GFPT2: variants seen among roughly 807,000 people sequenced by gnomAD.
The protein encoded by GFPT2 is glutamine--fructose-6-phosphate aminotransferase [isomerizing] 2.
GFPT2 carries 62 observed loss-of-function variants against 85.6 expected under a neutral mutation model. The ratio of observed to expected loss-of-function variants is 0.72; its 90% CI spans 0.59 to 0.90. The LOEUF is 0.90. GFPT2 is among the 40% of genes least tolerant of loss of function. The pLI is 0.00. For missense variants in GFPT2, 788 were observed against 893.4 expected, an observed-to-expected ratio of 0.88 and a Z score of 1.50; for synonymous variants, 368 against 344.5, an observed-to-expected ratio of 1.07 and a Z score of -0.75.
At position 180,330,967 on chromosome 5, in the gene GFPT2, A is replaced by G. The variant is rs937366250; in HGVS notation, c.400-133T>C. 27 of 777,782 alleles carry G rather than the reference A, an allele frequency of 3.5e-5. No individual in the cohort carries two copies. The highest frequency in any genetic ancestry group is 1.9e-4 in the African/African-American group (11 of 57,126). The allele number at this position is 777,782 out of a possible 1,614,324, so 48.2% of individuals were successfully genotyped here. Reference sequence around the variant, plus strand: ...GAACAGGGAAAACCGGGAAGGGGGGAAAAATGTTTGCCAGCATCACAGCCA... The same window carrying G: ...GAACAGGGAAAACCGGGAAGGGGGGGAAAATGTTTGCCAGCATCACAGCCA... On this transcript the variant is annotated intron_variant, in intron 5 of 18. Transcript: ENST00000253778. This position sits in a 1 kb window ranked among gnomAD's most constrained non-coding sequence, Gnocchi z 4.4.
chr5:180,312,020 AGGGAGGCG>A (rs1455893939), intron 15 of GFPT2, among the ~76,000 whole-genome samples: 2 of 83,544 alleles, frequency 2.4e-5, no homozygotes, highest in African/African-American at 4.3e-5. Context: ...GCAGGGAGGC[AGGGAGGCG>A]GGGAGGTGGG....
At chr5:180,315,998 A>G (rs979120747) in intron 13 of GFPT2, among the ~76,000 whole-genome samples, 5 of 152,226 alleles carry the variant, frequency 3.3e-5, no homozygotes, top group Non-Finnish European at 7.3e-5. Context: ...TGCTTTTTCT[A>G]TTAACATAAA....
rs2127653819 is a variant in GFPT2 at position 180,330,567 on chromosome 5, C to T, written c.534+133G>A. 1 of 699,402 alleles carries T rather than the reference C, an allele frequency of 1.4e-6. No individual in the cohort carries two copies. The highest frequency in any genetic ancestry group is 2.4e-6 in the Non-Finnish European group (1 of 410,308). 43.3% of individuals were successfully genotyped at this position (699,402 alleles called of 1,614,324 possible). A position where few individuals can be genotyped will look rare whatever the true frequency, so the allele number is the denominator to read the frequency against. ...TCTGCAGATGGGCTGTCTTTTATCC[C>T]CAGGACTCTGTGCAAGTTTGTCTAA... On this transcript the variant is annotated intron_variant, in intron 6 of 18. Transcript: ENST00000253778. The surrounding 1 kb of genome is among the most constrained non-coding windows in gnomAD (Gnocchi z 4.4).
rs527408182 is a variant in GFPT2, at chr5:180,337,124, G to A, written c.116-547C>T. Among the ~76,000 whole-genome samples, 12 of 152,334 alleles carry A rather than the reference G, an allele frequency of 7.9e-5. No homozygotes were observed. In the South Asian group the frequency reaches 8.3e-4, roughly 11 times the overall value. On this transcript the variant is annotated intron_variant, in intron 2 of 18. Coordinates refer to ENST00000253778, the MANE Select transcript of GFPT2 (RefSeq NM_005110.4). ...CTGAACTCTGGGACAGCCACCCAGC[G>A]GAGCATTGTGTAGCCACTTAGAAAG...
At chr5:180,347,371 T>C (rs1764629174) in intron 1 of GFPT2, among the ~76,000 whole-genome samples, 1 of 151,806 alleles carries the variant, frequency 6.6e-6, no homozygotes, top group Admixed American at 6.5e-5. Flanking sequence ...ACCACCCAGT[T>C]TGGTCATGTG....
At chr5:180,337,938 C>T (rs761541849) in intron 2 of GFPT2, among the ~76,000 whole-genome samples, 10 of 152,048 alleles carry the variant, frequency 6.6e-5, no homozygotes, top group African/African-American at 1.9e-4. Context: ...CTTGGGGCTA[C>T]GCCGGGCAGC....
Position 180,308,256 on chromosome 5 carries a change from G to A in GFPT2, c.1547-953C>T, listed in dbSNP as rs866686233. ...GGGCAACAGAGCGAGACTCCATCTC[G>A]AAAAAAAAAAAAGAAGAAAAAGAAA... On this transcript the variant is annotated intron_variant, in intron 15 of 18. Transcript: ENST00000253778. Among the ~76,000 whole-genome samples the A allele has an allele frequency of 5.4e-3, 714 of 132,620 alleles. 12 individuals are homozygous for A. The highest frequency in any genetic ancestry group is 0.044 in the East Asian group (210 of 4,724). 87.0% of individuals were successfully genotyped at this position (132,620 alleles called of 152,430 possible).
In GFPT2 at chr5:180,330,460, G is replaced by C. The variant is rs1349291592; in HGVS notation, c.534+240C>G. Among the ~76,000 whole-genome samples, 3 of 152,184 alleles carry C rather than the reference G, an allele frequency of 2.0e-5. No individual in the cohort carries two copies. The highest frequency in any genetic ancestry group is 4.4e-5 in the Non-Finnish European group (3 of 68,022). ...ATTTCAGAAGTGTCACGATGAAGCA[G>C]GGCACTTTCTATTTGATGTTGACTA... On this transcript the variant is annotated intron_variant, in intron 6 of 18. Coordinates refer to ENST00000253778, the MANE Select transcript of GFPT2 (RefSeq NM_005110.4). This position sits in a 1 kb window ranked among gnomAD's most constrained non-coding sequence, Gnocchi z 4.4.
In GFPT2 at chr5:180,301,171, AC is replaced by A. The variant is rs1363818968; in HGVS notation, c.*392del. 1 of 211,940 alleles carries A rather than the reference AC, an allele frequency of 4.7e-6. No homozygotes were observed. The highest frequency in any genetic ancestry group is 5.2e-5 in the Admixed American group (1 of 19,100). The allele number at this position is 211,940 out of a possible 1,614,324, so 13.1% of individuals were successfully genotyped here. On this transcript the variant is annotated 3_prime_UTR_variant, in exon 19 of 19. Coordinates refer to ENST00000253778, the MANE Select transcript of GFPT2 (RefSeq NM_005110.4). ...GAACAGTTTGGCCGTTACCACGGCT[AC>A]AGAAAGCCACATACTAGAAAAATAA...
intron 15 of GFPT2, among the ~76,000 whole-genome samples, chr5:180,307,821 T>C (rs778526227): frequency 2.3e-4 from 35 of 152,280 alleles, no homozygotes; most frequent in Admixed American, 1.2e-3. Context: ...GATTAGAAAA[T>C]AACACTGAGG....
In GFPT2 at chr5:180,300,923, G is replaced by C. The variant is rs914114700; in HGVS notation, c.*641C>G. 6.5e-6 allele frequency: 1 copy of C among 152,722 alleles called. No homozygotes were observed. Among genetic ancestry groups the C allele is most frequent in the Admixed American group, 6.5e-5 (1 of 15,288 alleles). The allele number at this position is 152,722 out of a possible 1,614,324, so 9.5% of individuals were successfully genotyped here. On this transcript the variant is annotated 3_prime_UTR_variant, in exon 19 of 19. Transcript: ENST00000253778. ...AAGTGGAGGGATGTGGGCCACACAC[G>C]AGAAGAAAATGTTGAAGGAGGCTGA...
At position 180,316,854 on chromosome 5, in the gene GFPT2, C is replaced by G; in HGVS notation, c.1062G>C (p.Leu354=). The G allele has an allele frequency of 6.2e-7, 1 of 1,613,076 alleles. No individual in the cohort carries two copies. The highest frequency in any genetic ancestry group is 8.5e-7 in the Non-Finnish European group (1 of 1,179,012). The part of the protein sequence containing the change: ...RVNFETNTVL[L]GGLKDHLKEI... ...CCTTCAAGTGGTCCTTCAAGCCACC[C>G]AGGAGCACTGCAGGGCACACGACAA... The change falls in exon 12 of 19, where the codon CTG becomes CTC. Residue 354 remains leucine (L), a synonymous_variant. Coordinates refer to ENST00000253778, the MANE Select transcript of GFPT2 (RefSeq NM_005110.4).
intron 17 of GFPT2, among the ~76,000 whole-genome samples, chr5:180,302,886 A>G (rs1299641320): frequency 1.3e-5 from 2 of 152,174 alleles, no homozygotes; most frequent in Non-Finnish European, 2.9e-5. Context: ...AGCGGGGCTC[A>G]TAGTCTAGTG....
In GFPT2 at chr5:180,338,402, C is replaced by T. The variant is rs553352633; in HGVS notation, c.115+91G>A. The T allele has an allele frequency of 4.0e-5, 21 of 526,850 alleles. No homozygotes were observed. The South Asian group carries it at 5.2e-4, about 13-fold the overall frequency. 32.6% of individuals were successfully genotyped at this position (526,850 alleles called of 1,614,324 possible). A position where few individuals can be genotyped will look rare whatever the true frequency, so the allele number is the denominator to read the frequency against. On this transcript the variant is annotated intron_variant, in intron 2 of 18. Transcript: ENST00000253778. Reference sequence around the variant, plus strand: ...CGTTAAAAAGTAGCAGAAAAAATGCCCTGGTTGTAAACCCCCCTGCAGTGG... The same window carrying T: ...CGTTAAAAAGTAGCAGAAAAAATGCTCTGGTTGTAAACCCCCCTGCAGTGG...
rs1203691142 is a variant in GFPT2 at position 180,353,234 on chromosome 5, G to C, written c.-17C>G. 6 of 1,241,502 alleles carry C rather than the reference G, an allele frequency of 4.8e-6. No homozygotes were observed. In the African/African-American group the frequency reaches 9.3e-5, roughly 19 times the overall value. 76.9% of individuals were successfully genotyped at this position (1,241,502 alleles called of 1,614,324 possible). The stretch of plus-strand genomic sequence containing the variant: ...ACCGCACATCGTGGCTGCTTCTCGG[G>C]CTCCTTCGCGGCTCGAGGGGGTCTG... On this transcript the variant is annotated 5_prime_UTR_variant, in exon 1 of 19. Coordinates refer to ENST00000253778, the MANE Select transcript of GFPT2 (RefSeq NM_005110.4).
In GFPT2 at chr5:180,330,199, T is replaced by C. The variant is rs1249521546; in HGVS notation, c.534+501A>G. Reference sequence around the variant, plus strand: ...AGCCAGGTGTGGTGGTGCGTGCCTGTAGTCTCAGCTAACTCAGGAGGCTGA... The same window carrying C: ...AGCCAGGTGTGGTGGTGCGTGCCTGCAGTCTCAGCTAACTCAGGAGGCTGA... On this transcript the variant is annotated intron_variant, in intron 6 of 18. Coordinates refer to ENST00000253778, the MANE Select transcript of GFPT2 (RefSeq NM_005110.4). The surrounding 1 kb of genome is among the most constrained non-coding windows in gnomAD (Gnocchi z 4.4). Among the ~76,000 whole-genome samples the C allele has an allele frequency of 1.3e-5, 2 of 152,122 alleles. No individual in the cohort carries two copies. Among genetic ancestry groups the C allele is most frequent in the Admixed American group, 1.3e-4 (2 of 15,268 alleles).
In GFPT2 at chr5:180,318,824, G is replaced by C. The variant is rs1764063444; in HGVS notation, c.927C>G (p.Thr309=). The change falls in exon 10 of 19, where the codon ACC becomes ACG. Residue 309 remains threonine, a synonymous_variant. Coordinates refer to ENST00000253778, the MANE Select transcript of GFPT2 (RefSeq NM_005110.4). This position sits in a 1 kb window ranked among gnomAD's most constrained non-coding sequence, Gnocchi z 4.2. The part of the protein sequence containing the change: ...ASDDPSRAIQ[T]LQMELQQIMK... ...TGATTTGCTGCAGTTCCATCTGCAA[G>C]GTCTGGATGGCTCGAGATGGGTCAT... 1.9e-6 allele frequency: 3 copies of C among 1,613,922 alleles called. No individual in the cohort carries two copies. The highest frequency in any genetic ancestry group is 2.5e-6 in the Non-Finnish European group (3 of 1,180,002).
chr5:180,338,447 AG>A (rs1225533222), intron 2 of GFPT2, 45 bp downstream of exon 2: 1 of 1,030,380 alleles, frequency 9.7e-7, no homozygotes, highest in South Asian at 1.3e-5. Flanking sequence ...AGACCACAGC[AG>A]CGGAGCCCGG....
chr5:180,320,460 G>A (rs755362856), intron 9 of GFPT2, among the ~76,000 whole-genome samples: 3 of 152,090 alleles, frequency 2.0e-5, no homozygotes, highest in Non-Finnish European at 4.4e-5. Flanking sequence ...CATCAGGTTG[G>A]GCTTGAAGGA....
Sources: gnomAD v4.1 joint callset for allele counts (sites outside exome capture counted in the v4.1 genomes callset) on GRCh38, gnomAD v4.1.1 for gene constraint, Gnocchi (gnomAD v3.1) non-coding constraint, MANE v1.5 for transcripts, NCBI Gene and HGNC (gene_info 2026-07-23, HGNC 2026-07-21) for gene names.